The following EPB41L5 variants were observed in gnomAD, a reference collection of about 807,000 sequenced individuals.
EPB41L5 encodes the protein erythrocyte membrane protein band 4.1 like 5, also known as band 4.1-like protein 5.
A neutral mutation model predicts 106.6 loss-of-function variants in EPB41L5; 55 were observed. The ratio of observed to expected loss-of-function variants is 0.52; its 90% CI spans 0.42 to 0.65. The LOEUF (loss-of-function observed/expected upper bound fraction) is 0.65, where lower values mean the gene tolerates loss of function less well. EPB41L5 is among the 30% of genes least tolerant of loss of function. The pLI is 0.00. For synonymous variants in EPB41L5, 297 were observed against 306.7 expected, an observed-to-expected ratio of 0.97 and a Z score of 0.33; for missense variants, 871 against 882.1, an observed-to-expected ratio of 0.99 and a Z score of 0.16.
Position 120,067,998 on chromosome 2 carries a change from G to A in EPB41L5, c.286-5180G>A, listed in dbSNP as rs903013741. 2.7e-4 allele frequency among the ~76,000 whole-genome samples: 41 copies of A among 152,160 alleles called. 1 individual carries two copies. Among genetic ancestry groups the A allele is most frequent in the African/African-American group, 8.0e-4 (33 of 41,434 alleles). ...TCACATGATGGCTGGCAAGATGGCC[G>A]AATAGGAACAGCTCCGGTCTGCAGC... On this transcript the variant is annotated intron_variant, in intron 3 of 24. Coordinates refer to ENST00000263713, the MANE Select transcript of EPB41L5 (RefSeq NM_020909.4).
intron 16 of EPB41L5, among the ~76,000 whole-genome samples, chr2:120,102,391 A>C (rs1435911087): frequency 6.6e-6 from 1 of 152,136 alleles, no homozygotes; most frequent in East Asian, 1.9e-4. Flanking sequence ...AATAGAGTAA[A>C]GTGATGCTCT....
chr2:120,066,164 C>T (rs1200993259), intron 3 of EPB41L5, among the ~76,000 whole-genome samples: 1 of 151,720 alleles, frequency 6.6e-6, no homozygotes, highest in African/African-American at 2.4e-5. Context: ...AATATATTAC[C>T]TATATAAAAC....
intron 3 of EPB41L5, among the ~76,000 whole-genome samples, chr2:120,044,170 A>G (rs1057159416): frequency 2.0e-5 from 3 of 151,280 alleles, no homozygotes; most frequent in South Asian, 4.2e-4. Context: ...ATATATGGCC[A>G]TGCATATACA....
intron 3 of EPB41L5, among the ~76,000 whole-genome samples, chr2:120,049,168 T>G (rs1014840590): frequency 2.0e-5 from 3 of 152,224 alleles, no homozygotes; most frequent in Non-Finnish European, 4.4e-5. Flanking sequence ...TCTGCAGATA[T>G]CTATTAGGTC....
chr2:120,092,046 TTTGAGA>T (rs1683454956), intron 13 of EPB41L5, among the ~76,000 whole-genome samples: 1 of 136,116 alleles, frequency 7.3e-6, no homozygotes. Flanking sequence ...ATTTATTTAT[TTTGAGA>T]TAGTCTCACT....
At chr2:120,065,838 T>G (rs1353285940) in intron 3 of EPB41L5, among the ~76,000 whole-genome samples, 1 of 152,184 alleles carries the variant, frequency 6.6e-6, no homozygotes, top group Non-Finnish European at 1.5e-5. Flanking sequence ...GAAATAGTGT[T>G]CTATTTTTTA....
At chr2:120,108,555 G>A (rs957228342) in intron 16 of EPB41L5, 2 of 152,042 alleles carry the variant, frequency 1.3e-5, no homozygotes, top group African/African-American at 4.8e-5. Context: ...AAAATAAAAG[G>A]TTATGATAAT....
chr2:120,164,793 ATAAAGGGGTCATT>A (rs757925143), intron 21 of EPB41L5, 30 bp from the exon 22 acceptor site: 3 of 1,413,184 alleles, frequency 2.1e-6, no homozygotes, highest in Non-Finnish European at 3.0e-6. Flanking sequence ...ACATCTGATG[ATAAAGGGGTCATT>A]TAACAATTCT....
At chr2:120,111,688 C>T (rs1005325616) in intron 16 of EPB41L5, among the ~76,000 whole-genome samples, 3 of 152,086 alleles carry the variant, frequency 2.0e-5, no homozygotes, top group Non-Finnish European at 4.4e-5. Context: ...GTCAGCCCTG[C>T]CCTCTTACCT....
chr2:120,054,386 C>T (rs1345038760), intron 3 of EPB41L5, among the ~76,000 whole-genome samples: 2 of 152,168 alleles, frequency 1.3e-5, no homozygotes, highest in South Asian at 2.1e-4. Context: ...AAAAGTTTTA[C>T]ATTGTGATGA....
intron 3 of EPB41L5, 86 bp downstream of exon 3, chr2:120,042,196 A>G (rs539690941): frequency 5.1e-6 from 5 of 975,356 alleles, no homozygotes; most frequent in East Asian, 2.5e-5. Flanking sequence ...AAGGCTTCCT[A>G]TTCTTGATGT....
intron 7 of EPB41L5, among the ~76,000 whole-genome samples, chr2:120,075,974 T>C (rs935338547): frequency 6.6e-6 from 1 of 152,196 alleles, no homozygotes; most frequent in African/African-American, 2.4e-5. Flanking sequence ...TGTTGAAACG[T>C]CATACTCTAC....
At chr2:120,153,205 C>G (rs1686753910) in intron 20 of EPB41L5, among the ~76,000 whole-genome samples, 1 of 151,956 alleles carries the variant, frequency 6.6e-6, no homozygotes, top group African/African-American at 2.4e-5. Flanking sequence ...TTTCATTCAT[C>G]TCAAATTATT....
Position 120,176,911 on chromosome 2 carries a change from C to T in EPB41L5, c.*2004C>T, listed in dbSNP as rs976225208. 2.0e-5 allele frequency: 3 copies of T among 152,130 alleles called. No homozygotes were observed. Among genetic ancestry groups the T allele is most frequent in the African/African-American group, 4.8e-5 (2 of 41,424 alleles). 9.4% of individuals were successfully genotyped at this position (152,130 alleles called of 1,614,324 possible). ...TGGACATAGTCTGTGACCTTTATGT[C>T]GTTGGATACCTGTATTCTTGACAGT... On this transcript the variant is annotated 3_prime_UTR_variant, in exon 25 of 25. Transcript: ENST00000263713.
chr2:120,041,693 T>G (rs1192564588), intron 2 of EPB41L5, among the ~76,000 whole-genome samples: 2 of 152,198 alleles, frequency 1.3e-5, no homozygotes, highest in Non-Finnish European at 2.9e-5. Flanking sequence ...GTAGGGACTC[T>G]AAAAATTGAT....
Position 120,019,198 on chromosome 2 carries a change from T to C in EPB41L5, c.114T>C (p.Asp38=). The change falls in exon 2 of 25, where the codon GAT becomes GAC. Residue 38 remains aspartate (D), a synonymous_variant. Coordinates refer to ENST00000263713, the MANE Select transcript of EPB41L5 (RefSeq NM_020909.4). ...CCACACATATTCCTGCAGCTGGAGA[T>C]TCTAAGTCCATCATCACGTGTCGGG... ...RAATHIPAAG[D]SKSIITCRVS... 6.2e-7 allele frequency: 1 copy of C among 1,613,948 alleles called. No homozygotes were observed. The highest frequency in any genetic ancestry group is 8.5e-7 in the Non-Finnish European group (1 of 1,179,994).
At chr2:120,138,506 A>G (rs1686032381) in intron 18 of EPB41L5, among the ~76,000 whole-genome samples, 1 of 152,100 alleles carries the variant, frequency 6.6e-6, no homozygotes, top group Non-Finnish European at 1.5e-5. Flanking sequence ...ACAGATCAAC[A>G]TACAAAAATC....
chr2:120,074,895 T>C (rs1682121974), intron 5 of EPB41L5, among the ~76,000 whole-genome samples: 1 of 152,198 alleles, frequency 6.6e-6, no homozygotes, highest in Non-Finnish European at 1.5e-5. Context: ...TGGCATGTTC[T>C]CAGTTCACCG....
At chr2:120,045,858 C>A (rs894563981) in intron 3 of EPB41L5, among the ~76,000 whole-genome samples, 48 of 149,314 alleles carry the variant, frequency 3.2e-4, no homozygotes, top group African/African-American at 1.1e-3. Context: ...TGCTCGCCTT[C>A]CCAAGTGTTC....
Sources: allele counts gnomAD v4.1 joint callset (sites outside exome capture counted in the v4.1 genomes callset), GRCh38; gene constraint gnomAD v4.1.1; transcripts MANE v1.5; gene names NCBI Gene and HGNC (gene_info 2026-07-23, HGNC 2026-07-21).